The following CRACR2A variants were observed in gnomAD, a reference collection of about 807,000 sequenced individuals.
The protein encoded by CRACR2A is EF-hand calcium-binding domain-containing protein 4B.
Under a neutral mutation model 90.5 loss-of-function variants are expected in CRACR2A, and 79 were observed. The observed-to-expected ratio is 0.87, with a 90% CI of 0.73 to 1.05. CRACR2A has a LOEUF of 1.05. Among genes scored for constraint, CRACR2A ranks in the 50% least tolerant of loss-of-function variants. The pLI is 0.00. For missense variants in CRACR2A, 823 were observed against 897.2 expected (o/e 0.92, Z 1.06); for synonymous variants, 338 against 356.7 (o/e 0.95, Z 0.59).
intron 6 of CRACR2A, among the ~76,000 whole-genome samples, chr12:3,678,055 C>T (rs1349543992): frequency 6.6e-6 from 1 of 152,148 alleles, no homozygotes; most frequent in Non-Finnish European, 1.5e-5. Flanking sequence ...TAGGGCATTC[C>T]CACACTACAG....
chr12:3,701,315 T>A (rs1278526605), intron 3 of CRACR2A, among the ~76,000 whole-genome samples: 1 of 151,418 alleles, frequency 6.6e-6, no homozygotes, highest in Admixed American at 6.6e-5. Flanking sequence ...GAAAAATAAA[T>A]ACAAATTAAA....
At chr12:3,670,353 C>A (rs1228474972) in intron 7 of CRACR2A, among the ~76,000 whole-genome samples, 1 of 152,170 alleles carries the variant, frequency 6.6e-6, no homozygotes, top group Non-Finnish European at 1.5e-5. Flanking sequence ...TCTTGGGATT[C>A]CTCTAGGCTC....
At chr12:3,659,112 G>T (rs191814333) in intron 8 of CRACR2A, among the ~76,000 whole-genome samples, 12 of 152,294 alleles carry the variant, frequency 7.9e-5, no homozygotes, top group Non-Finnish European at 1.6e-4. Flanking sequence ...CTGGGCACAG[G>T]GTGAACTGGG....
chr12:3,665,538 A>G (rs1259008426), intron 7 of CRACR2A, among the ~76,000 whole-genome samples: 2 of 152,254 alleles, frequency 1.3e-5, no homozygotes. Flanking sequence ...AGTGTCTAGC[A>G]CAATAAGATG....
At chr12:3,737,378 T>C (rs1946463179) in intron 1 of CRACR2A, among the ~76,000 whole-genome samples, 2 of 152,104 alleles carry the variant, frequency 1.3e-5, no homozygotes, top group Admixed American at 1.3e-4. Flanking sequence ...TAGGACTTGA[T>C]GGGCAGGTTA....
At chr12:3,656,483 G>T in intron 8 of CRACR2A, 77 bp from the exon 9 acceptor site, 4 of 1,325,728 alleles carry the variant, frequency 3.0e-6, no homozygotes, top group South Asian at 2.4e-5. Context: ...TTCCCACCTT[G>T]AACCTACTCA....
intron 10 of CRACR2A, among the ~76,000 whole-genome samples, chr12:3,650,006 T>C (rs567387104): frequency 4.4e-4 from 67 of 152,234 alleles, no homozygotes; most frequent in Non-Finnish European, 8.1e-4. Context: ...TTTTTCCTTC[T>C]GTGTTCTATA....
chr12:3,638,411 T>C lies in CRACR2A; in HGVS notation c.1315A>G (p.Ser439Gly). The change falls in exon 14 of 20, where the codon AGC becomes GGC. Residue 439 changes from serine to glycine, a missense_variant. Transcript: ENST00000440314. ...EEEVFGIPRR[S>G]SLGLSGYPLT... ...GGATATCCACTCAGGCCCAGGGAGCTTCTCCTTGGGATGCCAAACACCTCC... is the reference window on the plus strand; with the variant it reads ...GGATATCCACTCAGGCCCAGGGAGCCTCTCCTTGGGATGCCAAACACCTCC... 2 of 1,548,720 alleles carry C rather than the reference T, an allele frequency of 1.3e-6. No individual in the cohort carries two copies. Among genetic ancestry groups the C allele is most frequent in the Non-Finnish European group, 1.7e-6 (2 of 1,144,726 alleles).
chr12:3,740,050 A>T (rs1244333299), intron 1 of CRACR2A, among the ~76,000 whole-genome samples: 2 of 152,104 alleles, frequency 1.3e-5, no homozygotes, highest in Admixed American at 1.3e-4. Flanking sequence ...TATAAAATAG[A>T]TGCTGGTCCA....
intron 1 of CRACR2A, among the ~76,000 whole-genome samples, chr12:3,744,530 A>G (rs1204452264): frequency 1.3e-5 from 2 of 152,180 alleles, no homozygotes; most frequent in African/African-American, 4.8e-5. Flanking sequence ...TGTTACTTAC[A>G]TCTGTGGTGC....
At chr12:3,644,424 C>G (rs986712224) in intron 12 of CRACR2A, among the ~76,000 whole-genome samples, 171 bp downstream of exon 12, 10 of 152,222 alleles carry the variant, frequency 6.6e-5, no homozygotes, top group East Asian at 5.8e-4. Context: ...CACGTTGTTA[C>G]CCAGTAGGCC....
intron 7 of CRACR2A, among the ~76,000 whole-genome samples, chr12:3,661,444 C>T (rs2137510973): frequency 6.6e-6 from 1 of 152,180 alleles, no homozygotes; most frequent in East Asian, 1.9e-4. Context: ...CCCAGACCTC[C>T]ACAAGCTGGG....
At chr12:3,684,521 C>T (rs909540586) in intron 4 of CRACR2A, among the ~76,000 whole-genome samples, 15 of 152,172 alleles carry the variant, frequency 9.9e-5, no homozygotes, top group African/African-American at 1.4e-4. Flanking sequence ...GCCTGCTAAA[C>T]GCCAGCAGCA....
chr12:3,643,822 TTATATATAAATA>T (rs1379041844), intron 12 of CRACR2A, among the ~76,000 whole-genome samples: 2 of 111,014 alleles, frequency 1.8e-5, no homozygotes, highest in African/African-American at 7.0e-5. Context: ...TATATTTATA[TTATATATAAATA>T]TATATAATAT....
chr12:3,678,594 C>G (rs1243748139), intron 6 of CRACR2A, among the ~76,000 whole-genome samples: 2 of 151,896 alleles, frequency 1.3e-5, no homozygotes, highest in Non-Finnish European at 2.9e-5. Context: ...GTGTGAGTGC[C>G]TCATGAGGAG....
intron 14 of CRACR2A, 82 bp downstream of exon 14, chr12:3,638,042 G>T: frequency 7.3e-7 from 1 of 1,368,794 alleles, no homozygotes; most frequent in Non-Finnish European, 9.8e-7. Flanking sequence ...CTCCTGAGCT[G>T]CCTCTCCGGG....
intron 17 of CRACR2A, among the ~76,000 whole-genome samples, chr12:3,624,818 G>GTCCCCC (rs1944224781): frequency 1.3e-5 from 2 of 152,246 alleles, no homozygotes; most frequent in Non-Finnish European, 2.9e-5. Flanking sequence ...TGCTGAAGCA[G>GTCCCCC]AGACTGCATT....
intron 4 of CRACR2A, among the ~76,000 whole-genome samples, chr12:3,692,477 T>C (rs955129479): frequency 2.1e-5 from 3 of 144,754 alleles, no homozygotes; most frequent in African/African-American, 5.1e-5. Context: ...TGGTTTTTTT[T>C]CTCTGGCTCC....
intron 3 of CRACR2A, among the ~76,000 whole-genome samples, chr12:3,708,511 G>A (rs951880369): frequency 9.9e-5 from 15 of 152,076 alleles, no homozygotes; most frequent in African/African-American, 1.9e-4. Flanking sequence ...TACAAGCTCC[G>A]CCTCCCGGGT....
Sources: gnomAD v4.1 joint callset for allele counts (sites outside exome capture counted in the v4.1 genomes callset) on GRCh38, gnomAD v4.1.1 for gene constraint, MANE v1.5 for transcripts, NCBI Gene and HGNC (gene_info 2026-07-23, HGNC 2026-07-21) for gene names.